Variants in PKIB observed in about 807,000 individuals in gnomAD.
PKIB encodes the protein PKI-beta.
In PKIB, 2 loss-of-function variants were observed where a neutral mutation model predicts 4.5. That is an observed-to-expected ratio of 0.44 (90% CI 0.18 to 1.39). PKIB has a LOEUF of 1.39. PKIB is among the 40% of genes most tolerant of loss of function. The pLI, the probability that PKIB is intolerant of heterozygous loss-of-function variation, is 0.27. For missense variants in PKIB, 94 were observed against 92.6 expected (o/e 1.02, Z -0.06); for synonymous variants, 38 against 36.0 (o/e 1.06, Z -0.20).
intron 2 of PKIB, among the ~76,000 whole-genome samples, chr6:122,569,456 A>G (rs1414729620): frequency 6.6e-6 from 1 of 152,226 alleles, no homozygotes. Context: ...ACTGCGTACA[A>G]CACCCTGGCT....
intron 2 of PKIB, among the ~76,000 whole-genome samples, chr6:122,568,127 C>A (rs1402042877): frequency 6.6e-6 from 1 of 151,354 alleles, no homozygotes; most frequent in Non-Finnish European, 1.5e-5. Context: ...TTATCACAAA[C>A]AACATTGCAT....
intron 3 of PKIB, among the ~76,000 whole-genome samples, chr6:122,604,527 T>G (rs1240905947): frequency 6.6e-6 from 1 of 152,180 alleles, no homozygotes; most frequent in African/African-American, 2.4e-5. Context: ...GTCAAGTTGA[T>G]GAGTTTATTT....
At position 122,674,850 on chromosome 6, in the gene PKIB, C is replaced by G. The variant is rs572502710; in HGVS notation, c.-75-228C>G. Reference sequence around the variant, plus strand: ...AGCAATCATCCACTGGATTTTGTAGCTGATAATCTTGGGAACTAATAACTG... The same window carrying G: ...AGCAATCATCCACTGGATTTTGTAGGTGATAATCTTGGGAACTAATAACTG... On this transcript the variant is annotated intron_variant, in intron 2 of 4. Coordinates refer to ENST00000368452, the MANE Select transcript of PKIB (RefSeq NM_181795.3). Among the ~76,000 whole-genome samples, 5 of 152,224 alleles carry G rather than the reference C, an allele frequency of 3.3e-5. No individual in the cohort carries two copies. In the East Asian group the frequency reaches 9.7e-4, roughly 29 times the overall value.
chr6:122,608,805 A>G (rs1562268258), upstream of PKIB, among the ~76,000 whole-genome samples: 1 of 152,224 alleles, frequency 6.6e-6, no homozygotes, highest in South Asian at 2.1e-4. Context: ...TACAGATTTT[A>G]CAAAGCAAAA....
intron 3 of PKIB, among the ~76,000 whole-genome samples, chr6:122,700,747 A>G (rs1189882992): frequency 6.6e-6 from 1 of 152,190 alleles, no homozygotes; most frequent in East Asian, 1.9e-4. Flanking sequence ...AGCTTTCTGT[A>G]AAATCACCTG....
At chr6:122,505,938 A>G (rs1205548108) in intron 2 of PKIB, among the ~76,000 whole-genome samples, 104 of 152,222 alleles carry the variant, frequency 6.8e-4, no homozygotes, top group South Asian at 2.1e-4. Flanking sequence ...TTTTTTTGTC[A>G]ATTATTGACA....
At chr6:122,507,180 A>G (rs1776437307) in intron 2 of PKIB, among the ~76,000 whole-genome samples, 1 of 152,148 alleles carries the variant, frequency 6.6e-6, no homozygotes, top group Non-Finnish European at 1.5e-5. Flanking sequence ...TTAACAGTCA[A>G]TGTTGTCAGT....
intron 1 of PKIB, among the ~76,000 whole-genome samples, chr6:122,620,348 C>A (rs577200927): frequency 4.7e-4 from 71 of 152,144 alleles, no homozygotes; most frequent in Admixed American, 9.8e-4. Flanking sequence ...TTTGAATTCC[C>A]AAATGTATTC....
chr6:122,690,008 C>T (rs1432259411), intron 3 of PKIB, among the ~76,000 whole-genome samples: 1 of 151,628 alleles, frequency 6.6e-6, no homozygotes, highest in Admixed American at 6.6e-5. Flanking sequence ...ATTATATGAC[C>T]TTTGTTTCTT....
At chr6:122,670,162 T>C (rs1357897729) in intron 2 of PKIB, among the ~76,000 whole-genome samples, 1 of 152,070 alleles carries the variant, frequency 6.6e-6, no homozygotes, top group Non-Finnish European at 1.5e-5. Context: ...TCTTTCAGTA[T>C]GTAACCTGGA....
intron 2 of PKIB, among the ~76,000 whole-genome samples, chr6:122,638,448 A>G (rs1414013445): frequency 6.6e-6 from 1 of 152,116 alleles, no homozygotes; most frequent in Non-Finnish European, 1.5e-5. Context: ...GCCCCTATCC[A>G]TGATTCTGGC....
intron 2 of PKIB, among the ~76,000 whole-genome samples, chr6:122,576,667 T>A (rs1773539617): frequency 4.3e-3 from 3 of 700 alleles, no homozygotes; most frequent in African/African-American, 0.011. Flanking sequence ...AGACTCCATC[T>A]CAAAAAAAAA....
At chr6:122,658,634 C>T (rs1056478159) in intron 2 of PKIB, among the ~76,000 whole-genome samples, 3 of 151,604 alleles carry the variant, frequency 2.0e-5, no homozygotes, top group African/African-American at 4.8e-5. Flanking sequence ...CTTGATTTTT[C>T]CTTATTAGTG....
intron 2 of PKIB, among the ~76,000 whole-genome samples, chr6:122,564,965 A>G (rs949248016): frequency 4.6e-5 from 7 of 152,108 alleles, no homozygotes; most frequent in Non-Finnish European, 7.4e-5. Context: ...GTTACTGGAA[A>G]CTGAGACCAT....
intron 1 of PKIB, among the ~76,000 whole-genome samples, chr6:122,611,319 G>A (rs111469482): frequency 1.3e-5 from 2 of 152,166 alleles, no homozygotes; most frequent in African/African-American, 4.8e-5. Flanking sequence ...ACCGGTCTTC[G>A]TAGAGCTCCC....
At chr6:122,620,379 A>C (rs1282169747) in intron 1 of PKIB, among the ~76,000 whole-genome samples, 2 of 152,224 alleles carry the variant, frequency 1.3e-5, no homozygotes, top group Admixed American at 6.5e-5. Context: ...CTAGTTAAAG[A>C]AGCACAGACT....
chr6:122,632,337 A>G (rs1397139387), intron 1 of PKIB, among the ~76,000 whole-genome samples: 1 of 152,234 alleles, frequency 6.6e-6, no homozygotes, highest in Non-Finnish European at 1.5e-5. Flanking sequence ...CACATCTAGA[A>G]AAAGAAACAG....
At chr6:122,602,409 G>A (rs1373131902) in intron 3 of PKIB, among the ~76,000 whole-genome samples, 3 of 152,158 alleles carry the variant, frequency 2.0e-5, no homozygotes, top group African/African-American at 7.2e-5. Context: ...AGAATCATAA[G>A]ATGCATCTTA....
intron 2 of PKIB, among the ~76,000 whole-genome samples, chr6:122,542,215 G>T (rs553149803): frequency 6.6e-6 from 1 of 152,042 alleles, no homozygotes; most frequent in Non-Finnish European, 1.5e-5. Flanking sequence ...GCTTTGTTCT[G>T]TTGCTGGTGA....
Sources: allele counts gnomAD v4.1 joint callset (sites outside exome capture counted in the v4.1 genomes callset), GRCh38; gene constraint gnomAD v4.1.1; transcripts MANE v1.5; gene names NCBI Gene and HGNC (gene_info 2026-07-23, HGNC 2026-07-21).